The following KCNU1 variants were observed in gnomAD, a reference collection of about 807,000 sequenced individuals.
The protein encoded by KCNU1 is potassium calcium-activated channel subfamily U member 1, also known as potassium channel subfamily U member 1.
In KCNU1, 93 loss-of-function variants were observed where a neutral mutation model predicts 126.8. The ratio of observed to expected loss-of-function variants is 0.73; its 90% CI spans 0.62 to 0.87. The LOEUF is 0.87. KCNU1 is among the 40% of genes least tolerant of loss of function. The pLI is 0.00. For synonymous variants in KCNU1, 523 were observed against 494.2 expected, an observed-to-expected ratio of 1.06 and a Z score of -0.77; for missense variants, 1,330 against 1,367.1, an observed-to-expected ratio of 0.97 and a Z score of 0.43.
intron 10 of KCNU1, among the ~76,000 whole-genome samples, chr8:36,818,044 A>T (rs1032726187): frequency 6.6e-6 from 1 of 152,200 alleles, no homozygotes; most frequent in Admixed American, 6.5e-5. Context: ...CTATAATCTT[A>T]TGCAAAAGCC....
intron 10 of KCNU1, among the ~76,000 whole-genome samples, chr8:36,827,573 A>G (rs1450696272): frequency 6.6e-6 from 1 of 152,190 alleles, no homozygotes; most frequent in Non-Finnish European, 1.5e-5. Flanking sequence ...CTTAGGAGAC[A>G]TGTTTAATAT....
chr8:36,869,432 A>G (rs1806024354), intron 19 of KCNU1, among the ~76,000 whole-genome samples: 1 of 152,170 alleles, frequency 6.6e-6, no homozygotes, highest in African/African-American at 2.4e-5. Context: ...AATGGTATCT[A>G]TGAATGAGAT....
intron 16 of KCNU1, 129 bp from the exon 17 acceptor site, chr8:36,845,451 A>G (rs1805107551): frequency 1.6e-6 from 1 of 614,748 alleles, no homozygotes; most frequent in South Asian, 2.0e-5. Context: ...TGTGTTTGGC[A>G]GTAAGAGGAG....
In KCNU1 at chr8:36,904,129, A is replaced by G. The variant is rs1292109967; in HGVS notation, c.2010-1579A>G. 2.0e-5 allele frequency among the ~76,000 whole-genome samples: 3 copies of G among 152,154 alleles called. No individual in the cohort carries two copies. In the East Asian group the frequency reaches 5.8e-4, roughly 29 times the overall value. On this transcript the variant is annotated intron_variant, in intron 19 of 26. Transcript: ENST00000399881. ...TCCAGTTACTAATGTACCATGGAAC[A>G]TGTGTTTTGCAAAAGGAATTGGTGT...
intron 10 of KCNU1, among the ~76,000 whole-genome samples, chr8:36,824,372 A>G (rs1220956770): frequency 2.0e-5 from 3 of 152,188 alleles, no homozygotes; most frequent in Admixed American, 2.0e-4. Context: ...CGTACATTTT[A>G]TTACAGCATA....
At position 36,873,098 on chromosome 8, in the gene KCNU1, C is replaced by CAAA. The variant is rs1806161057; in HGVS notation, c.2009+8577_2009+8578insAAA. On this transcript the variant is annotated intron_variant, in intron 19 of 26. Transcript: ENST00000399881. ...CCATCTCAAAAAATAAACTAACCAA[C>CAAA]CAAACAAACAAAAAACCCCAACAAT... Among the ~76,000 whole-genome samples, 16 of 151,754 alleles carry CAAA rather than the reference C, an allele frequency of 1.1e-4. No individual in the cohort carries two copies. The South Asian group carries it at 2.9e-3, about 28-fold the overall frequency.
intron 18 of KCNU1, among the ~76,000 whole-genome samples, chr8:36,857,106 T>A (rs185383863): frequency 1.4e-3 from 206 of 152,334 alleles, no homozygotes; most frequent in African/African-American, 4.7e-3. Flanking sequence ...AGACCTCCTC[T>A]GTTGAAGTGA....
chr8:36,883,943 C>G (rs1469183712), intron 19 of KCNU1, among the ~76,000 whole-genome samples: 5 of 152,140 alleles, frequency 3.3e-5, no homozygotes, highest in Admixed American at 6.5e-5. Flanking sequence ...ACCATTAATT[C>G]ATGTGTTAAA....
At chr8:36,792,160 C>T (rs1489462603) in intron 2 of KCNU1, among the ~76,000 whole-genome samples, 1 of 152,166 alleles carries the variant, frequency 6.6e-6, no homozygotes, top group African/African-American at 2.4e-5. Context: ...TAAATTCCTT[C>T]CTTACCCCTA....
intron 19 of KCNU1, among the ~76,000 whole-genome samples, chr8:36,880,171 T>A (rs1465170647): frequency 6.6e-6 from 1 of 152,250 alleles, no homozygotes; most frequent in Admixed American, 6.5e-5. Context: ...CTGACTTGTT[T>A]TATTAGCTTC....
At chr8:36,931,862 GATA>G (rs903877731) in intron 25 of KCNU1, among the ~76,000 whole-genome samples, 17 of 152,108 alleles carry the variant, frequency 1.1e-4, no homozygotes, top group Admixed American at 9.2e-4. Flanking sequence ...CAAGGGATAA[GATA>G]ATAATTCTGG....
At chr8:36,800,405 G>A (rs1374298979) in intron 2 of KCNU1, among the ~76,000 whole-genome samples, 1 of 152,112 alleles carries the variant, frequency 6.6e-6, no homozygotes, top group Non-Finnish European at 1.5e-5. Context: ...AATAAGGCTG[G>A]GGCCAGCAAC....
intron 10 of KCNU1, among the ~76,000 whole-genome samples, chr8:36,823,165 T>C (rs938968746): frequency 1.3e-5 from 2 of 152,132 alleles, no homozygotes; most frequent in Admixed American, 6.6e-5. Flanking sequence ...AAGTATTAGA[T>C]TGGTGCAAAA....
At chr8:36,888,622 T>C (rs376530459) in intron 19 of KCNU1, 4 of 534,198 alleles carry the variant, frequency 7.5e-6, no homozygotes, top group Non-Finnish European at 1.5e-5. Flanking sequence ...ACTCACTCAT[T>C]GGCAGAAATT....
chr8:36,850,274 G>C (rs1357563352), intron 18 of KCNU1, among the ~76,000 whole-genome samples: 1 of 151,930 alleles, frequency 6.6e-6, no homozygotes, highest in African/African-American at 2.4e-5. Context: ...TTTCATTTTT[G>C]TTACATATTT....
At position 36,817,872 on chromosome 8, in the gene KCNU1, A is replaced by G. The variant is rs540045455; in HGVS notation, c.1106+112A>G. ...ATATTTATAGAAAAAGTAGGTATTGATCATAAACAAAACAAAAAAGAAAAG... is the reference window on the plus strand; with the variant it reads ...ATATTTATAGAAAAAGTAGGTATTGGTCATAAACAAAACAAAAAAGAAAAG... On this transcript the variant is annotated intron_variant, in intron 10 of 26. Transcript: ENST00000399881. The G allele has an allele frequency of 2.1e-4, 120 of 571,394 alleles. 1 individual carries two copies. Among genetic ancestry groups the G allele is most frequent in the African/African-American group, 1.9e-3 (100 of 53,484 alleles). The allele number at this position is 571,394 out of a possible 1,614,324, so 35.4% of individuals were successfully genotyped here.
chr8:36,815,780 G>T (rs1803888453), intron 9 of KCNU1, 93 bp downstream of exon 9: 1 of 710,724 alleles, frequency 1.4e-6, no homozygotes, highest in African/African-American at 1.8e-5. Flanking sequence ...CTTAGCTGTA[G>T]AACCCAAGGT....
At chr8:36,811,574 T>A (rs1231650048) in intron 7 of KCNU1, among the ~76,000 whole-genome samples, 7 of 152,160 alleles carry the variant, frequency 4.6e-5, no homozygotes, top group Admixed American at 3.9e-4. Context: ...AGCTTAATGA[T>A]AAAATTCAGC....
chr8:36,884,308 C>A (rs1400102412), intron 19 of KCNU1, among the ~76,000 whole-genome samples: 1 of 152,088 alleles, frequency 6.6e-6, no homozygotes, highest in Non-Finnish European at 1.5e-5. Flanking sequence ...TTTTAATTAC[C>A]CACAGTAATT....
Sources: allele counts gnomAD v4.1 joint callset (sites outside exome capture counted in the v4.1 genomes callset), GRCh38; gene constraint gnomAD v4.1.1; transcripts MANE v1.5; gene names NCBI Gene and HGNC (gene_info 2026-07-23, HGNC 2026-07-21).